The following ARIH1 variants were observed in gnomAD, a reference collection of about 807,000 sequenced individuals.
ARIH1 encodes E3 ubiquitin-protein ligase ARIH1.
ARIH1 carries 8 observed loss-of-function variants against 85.0 expected under a neutral mutation model. The observed-to-expected ratio is 0.09, with a 90% confidence interval of 0.06 to 0.17. The LOEUF (loss-of-function observed/expected upper bound fraction) is 0.17. Ranked by LOEUF, ARIH1 falls within the 10% of genes least tolerant of loss-of-function variation. The pLI, the probability that ARIH1 is intolerant of heterozygous loss-of-function variation, is 1.00. For missense variants in ARIH1, 311 were observed against 718.1 expected, an observed-to-expected ratio of 0.43 and a Z score of 6.48; for synonymous variants, 238 against 253.6, an observed-to-expected ratio of 0.94 and a Z score of 0.59.
chr15:72,553,064 C>T (rs1384560924), intron 3 of ARIH1, among the ~76,000 whole-genome samples: 1 of 152,064 alleles, frequency 6.6e-6, no homozygotes, highest in South Asian at 2.1e-4. Context: ...TGTGAGCCAC[C>T]GCACCCGGCC....
chr15:72,524,169 G>C (rs926421395), intron 2 of ARIH1, among the ~76,000 whole-genome samples: 1 of 151,454 alleles, frequency 6.6e-6, no homozygotes, highest in Non-Finnish European at 1.5e-5. Context: ...AGATGGTCTC[G>C]ATCTCCTGAC....
At position 72,580,728 on chromosome 15, in the gene ARIH1, C is replaced by T; in HGVS notation, c.1216-3C>T. 1 of 1,604,782 alleles carries T rather than the reference C, an allele frequency of 6.2e-7. No homozygotes were observed. Among genetic ancestry groups the T allele is most frequent in the Non-Finnish European group, 8.5e-7 (1 of 1,174,244 alleles). On this transcript the variant is annotated splice_region_variant and splice_polypyrimidine_tract_variant and intron_variant, in intron 11 of 13. Coordinates refer to ENST00000379887, the MANE Select transcript of ARIH1 (RefSeq NM_005744.5). ...TATCACCCAATTTTTCTTAATGGGA[C>T]AGCGATCTAGGGCAGCCCTGCAGAG...
chr15:72,521,398 T>C (rs764964797), intron 2 of ARIH1, among the ~76,000 whole-genome samples: 21 of 152,108 alleles, frequency 1.4e-4, no homozygotes, highest in Non-Finnish European at 2.5e-4. Context: ...ACATAAACTG[T>C]TGGGCCCTTT....
intron 1 of ARIH1, chr15:72,496,753 C>G (rs933682733): frequency 2.1e-6 from 2 of 964,006 alleles, no homozygotes; most frequent in African/African-American, 3.5e-5. Context: ...TGGCCTTTGC[C>G]GCTGTGGCCC....
At chr15:72,513,725 C>A (rs1192124780) in intron 1 of ARIH1, among the ~76,000 whole-genome samples, 1 of 51,196 alleles carries the variant, frequency 2.0e-5, no homozygotes, top group Non-Finnish European at 3.9e-5. Context: ...CCCCCTGTCC[C>A]TCCTTCCCTC....
intron 11 of ARIH1, among the ~76,000 whole-genome samples, chr15:72,575,408 T>C (rs1040513195): frequency 1.3e-5 from 2 of 151,892 alleles, no homozygotes; most frequent in African/African-American, 4.8e-5. Flanking sequence ...ACCCTGTCTC[T>C]ACAAAAAATT....
chr15:72,493,606 A>G (rs2063868088), intron 1 of ARIH1, among the ~76,000 whole-genome samples: 1 of 152,226 alleles, frequency 6.6e-6, no homozygotes, highest in African/African-American at 2.4e-5. Context: ...TTACAAAAAT[A>G]AAAGCACTTT....
intron 2 of ARIH1, among the ~76,000 whole-genome samples, chr15:72,524,976 C>T (rs2064020689): frequency 6.6e-6 from 1 of 152,180 alleles, no homozygotes; most frequent in Admixed American, 6.5e-5. Context: ...CCTCCGCCTC[C>T]CAGGTTCAAA....
At chr15:72,572,475 A>C in intron 11 of ARIH1, 1 of 185,774 alleles carries the variant, frequency 5.4e-6, no homozygotes, top group East Asian at 1.3e-4. Flanking sequence ...CGGCCTCCCA[A>C]AGTGCTGGGA....
chr15:72,541,729 C>T (rs1414288842), intron 2 of ARIH1, among the ~76,000 whole-genome samples: 1 of 152,122 alleles, frequency 6.6e-6, no homozygotes, highest in African/African-American at 2.4e-5. Context: ...GTGAACAGAT[C>T]AGTGGGGAGA....
At chr15:72,510,608 G>A (rs1162159097) in intron 1 of ARIH1, among the ~76,000 whole-genome samples, 1 of 151,314 alleles carries the variant, frequency 6.6e-6, no homozygotes, top group East Asian at 1.9e-4. Context: ...TTGGTGGTGG[G>A]CGCCTGTATT....
chr15:72,596,719 A>G lies in ARIH1; in HGVS notation c.*13427A>G, dbSNP rs755566440. On this transcript the variant is annotated 3_prime_UTR_variant, in exon 14 of 14. Coordinates refer to ENST00000379887, the MANE Select transcript of ARIH1 (RefSeq NM_005744.5). Reference sequence around the variant, plus strand: ...GATGCTTTCCAATGTTAACCTGTTAAACTTGTTTATTGAATTCTCCATTTA... The same window carrying G: ...GATGCTTTCCAATGTTAACCTGTTAGACTTGTTTATTGAATTCTCCATTTA... 2 of 152,120 alleles carry G rather than the reference A, an allele frequency of 1.3e-5. No individual in the cohort carries two copies. Among genetic ancestry groups the G allele is most frequent in the Non-Finnish European group, 2.9e-5 (2 of 68,010 alleles). 9.4% of individuals were successfully genotyped at this position (152,120 alleles called of 1,614,324 possible).
At chr15:72,562,826 G>A (rs1382297650) in intron 6 of ARIH1, among the ~76,000 whole-genome samples, 1 of 151,632 alleles carries the variant, frequency 6.6e-6, no homozygotes, top group Non-Finnish European at 1.5e-5. Context: ...TATTCAGTGG[G>A]ATTTTGAAGA....
intron 11 of ARIH1, among the ~76,000 whole-genome samples, chr15:72,578,180 T>C (rs529129058): frequency 6.6e-6 from 1 of 152,292 alleles, no homozygotes; most frequent in African/African-American, 2.4e-5. Context: ...ATATCCACAG[T>C]CTCTTTCGTG....
At chr15:72,548,082 C>T (rs1351496233) in intron 3 of ARIH1, among the ~76,000 whole-genome samples, 1 of 152,170 alleles carries the variant, frequency 6.6e-6, no homozygotes, top group East Asian at 1.9e-4. Flanking sequence ...TAATTCCTAA[C>T]CAGATAATTT....
At chr15:72,532,987 A>T (rs1163131068) in intron 2 of ARIH1, among the ~76,000 whole-genome samples, 1 of 152,202 alleles carries the variant, frequency 6.6e-6, no homozygotes, top group Non-Finnish European at 1.5e-5. Flanking sequence ...GTTAAAAAAG[A>T]TTTCCCTTTT....
intron 3 of ARIH1, among the ~76,000 whole-genome samples, chr15:72,549,917 G>A (rs2064146266): frequency 6.6e-6 from 1 of 152,162 alleles, no homozygotes; most frequent in Non-Finnish European, 1.5e-5. Flanking sequence ...CTGGGACAGG[G>A]GAAAGCCCAG....
At chr15:72,490,677 C>G (rs1257654339) in intron 1 of ARIH1, among the ~76,000 whole-genome samples, 2 of 151,964 alleles carry the variant, frequency 1.3e-5, no homozygotes, top group African/African-American at 4.8e-5. Flanking sequence ...TCTGAGGAAG[C>G]ATATCACATC....
At chr15:72,479,167 T>C (rs1408443279) in intron 1 of ARIH1, among the ~76,000 whole-genome samples, 1 of 152,196 alleles carries the variant, frequency 6.6e-6, no homozygotes, top group Non-Finnish European at 1.5e-5. Context: ...AAATGCTCAC[T>C]GCAGCATTTT....
Sources: gnomAD v4.1 joint callset for allele counts (sites outside exome capture counted in the v4.1 genomes callset) on GRCh38, gnomAD v4.1.1 for gene constraint, MANE v1.5 for transcripts, NCBI Gene and HGNC (gene_info 2026-07-23, HGNC 2026-07-21) for gene names.